Variants in DAP observed in about 807,000 individuals in gnomAD.
DAP encodes death-associated protein 1.
In DAP, 8 loss-of-function variants were observed where a neutral mutation model predicts 13.8. The ratio of observed to expected loss-of-function variants is 0.58; its 90% CI spans 0.34 to 1.05. The LOEUF (loss-of-function observed/expected upper bound fraction) is 1.05, where lower values mean the gene tolerates loss of function less well. Ranked by LOEUF, DAP falls within the 50% of genes least tolerant of loss-of-function variation. DAP has a pLI of 0.03. For synonymous variants in DAP, 47 were observed against 47.5 expected, an observed-to-expected ratio of 0.99 and a Z score of 0.04; for missense variants, 106 against 133.2, an observed-to-expected ratio of 0.80 and a Z score of 1.01.
intron 1 of DAP, among the ~76,000 whole-genome samples, chr5:10,752,788 T>A (rs1362012695): frequency 6.6e-6 from 1 of 152,078 alleles, no homozygotes; most frequent in African/African-American, 2.4e-5. Flanking sequence ...GTGAAAATGT[T>A]CCCCTCTCCC....
At chr5:10,723,220 A>G (rs548972863) in intron 2 of DAP, among the ~76,000 whole-genome samples, 33 of 152,378 alleles carry the variant, frequency 2.2e-4, no homozygotes, top group Non-Finnish European at 4.1e-4. Context: ...TCACACTGAT[A>G]GAAAAGGGAA....
intron 2 of DAP, among the ~76,000 whole-genome samples, chr5:10,690,236 G>A (rs1017738244): frequency 6.6e-6 from 1 of 152,190 alleles, no homozygotes; most frequent in African/African-American, 2.4e-5. Flanking sequence ...TCTGCTCAAG[G>A]CAAACGTTCT....
chr5:10,719,000 T>TA (rs1739065850), intron 2 of DAP, among the ~76,000 whole-genome samples: 1 of 152,242 alleles, frequency 6.6e-6, no homozygotes, highest in Non-Finnish European at 1.5e-5. Context: ...ATATTGGACT[T>TA]ACTGGTGAAA....
chr5:10,747,151 A>G (rs1739926813), intron 2 of DAP, among the ~76,000 whole-genome samples: 1 of 152,156 alleles, frequency 6.6e-6, no homozygotes. Context: ...TTCCCCTTCC[A>G]CACCCTCTCC....
chr5:10,712,990 C>G (rs980964089), intron 2 of DAP, among the ~76,000 whole-genome samples: 6 of 152,180 alleles, frequency 3.9e-5, no homozygotes, highest in Admixed American at 6.5e-5. Flanking sequence ...GGCCTCCATA[C>G]GACACATGTA....
At chr5:10,738,891 T>C (rs747389061) in intron 2 of DAP, among the ~76,000 whole-genome samples, 3 of 152,074 alleles carry the variant, frequency 2.0e-5, no homozygotes, top group South Asian at 2.1e-4. Context: ...GATTTAGATA[T>C]ATGTGAGCGT....
chr5:10,741,449 G>A (rs1739752426), intron 2 of DAP, among the ~76,000 whole-genome samples: 1 of 152,178 alleles, frequency 6.6e-6, no homozygotes, highest in African/African-American at 2.4e-5. Flanking sequence ...TTTTCTTGGA[G>A]GGCCAGGAGA....
chr5:10,756,356 A>G lies in DAP; in HGVS notation c.55+4658T>C, dbSNP rs527297283. Reference sequence around the variant, plus strand: ...TCTGTGACCACAGGGTTAATAGAAGACAAATTAGTCTTCTGTTTCTAGCAA... The same window carrying G: ...TCTGTGACCACAGGGTTAATAGAAGGCAAATTAGTCTTCTGTTTCTAGCAA... On this transcript the variant is annotated intron_variant, in intron 1 of 3. Coordinates refer to ENST00000230895, the MANE Select transcript of DAP (RefSeq NM_004394.3). 1.3e-4 allele frequency among the ~76,000 whole-genome samples: 20 copies of G among 151,374 alleles called. 4 individuals are homozygous for G. The South Asian group carries it at 3.3e-3, about 25-fold the overall frequency.
chr5:10,708,595 C>T (rs553197621), intron 2 of DAP, among the ~76,000 whole-genome samples: 18 of 152,112 alleles, frequency 1.2e-4, no homozygotes, highest in Non-Finnish European at 2.4e-4. Context: ...GACCCACCAA[C>T]GGGCTATAGC....
At chr5:10,698,478 G>A (rs1162548523) in intron 2 of DAP, among the ~76,000 whole-genome samples, 1 of 152,064 alleles carries the variant, frequency 6.6e-6, no homozygotes, top group Non-Finnish European at 1.5e-5. Context: ...CAGCAGGGCA[G>A]GCTGTGGTAT....
chr5:10,687,387 C>T (rs1738182098), intron 2 of DAP, among the ~76,000 whole-genome samples: 3 of 152,156 alleles, frequency 2.0e-5, no homozygotes, highest in Non-Finnish European at 4.4e-5. Context: ...GAATTTACTA[C>T]TATAGATGCC....
At chr5:10,716,067 A>G (rs1005204590) in intron 2 of DAP, among the ~76,000 whole-genome samples, 1 of 152,116 alleles carries the variant, frequency 6.6e-6, no homozygotes, top group Non-Finnish European at 1.5e-5. Context: ...TGCTCCCTTT[A>G]GCTGATAGCT....
At chr5:10,750,359 T>G (rs186182871) in intron 1 of DAP, among the ~76,000 whole-genome samples, 1 of 152,084 alleles carries the variant, frequency 6.6e-6, no homozygotes, top group African/African-American at 2.4e-5. Flanking sequence ...ATGGTGACGT[T>G]TGCTCCCAGG....
At chr5:10,755,223 A>C (rs1740151924) in intron 1 of DAP, among the ~76,000 whole-genome samples, 2 of 152,136 alleles carry the variant, frequency 1.3e-5, no homozygotes. Flanking sequence ...TTGTGGAGGA[A>C]GGCGCCACGA....
intron 2 of DAP, among the ~76,000 whole-genome samples, chr5:10,723,716 G>C (rs1212593478): frequency 6.6e-6 from 1 of 152,198 alleles, no homozygotes; most frequent in Non-Finnish European, 1.5e-5. Flanking sequence ...AGATACTAAA[G>C]CAAAAGAATG....
rs1236696943 is a variant in DAP at position 10,761,215 on chromosome 5, G to A, written c.-147C>T. On this transcript the variant is annotated 5_prime_UTR_variant, in exon 1 of 4. Coordinates refer to ENST00000230895, the MANE Select transcript of DAP (RefSeq NM_004394.3). ...GTGGGGCGCCGGGGCCGCGCGAGCC[G>A]GGTGAGTGCCACTGCCGTTAAGGGG... The A allele has an allele frequency of 1.8e-5, 5 of 271,544 alleles. No homozygotes were observed. Among genetic ancestry groups the A allele is most frequent in the Non-Finnish European group, 3.2e-5 (5 of 156,490 alleles). The allele number at this position is 271,544 out of a possible 1,614,324, so 16.8% of individuals were successfully genotyped here. A position where few individuals can be genotyped will look rare whatever the true frequency, so the allele number is the denominator to read the frequency against.
intron 2 of DAP, among the ~76,000 whole-genome samples, chr5:10,724,613 T>C (rs894580070): frequency 6.6e-6 from 1 of 152,216 alleles, no homozygotes; most frequent in Non-Finnish European, 1.5e-5. Flanking sequence ...CTGGCTCTTG[T>C]GGACTATGTG....
At chr5:10,705,060 C>A (rs1243669531) in intron 2 of DAP, among the ~76,000 whole-genome samples, 1 of 152,178 alleles carries the variant, frequency 6.6e-6, no homozygotes, top group Admixed American at 6.5e-5. Flanking sequence ...ATTCTGGAAA[C>A]ACTACTTCCT....
intron 2 of DAP, among the ~76,000 whole-genome samples, chr5:10,694,318 TTA>T (rs933949521): frequency 6.6e-6 from 1 of 152,032 alleles, no homozygotes; most frequent in Admixed American, 6.5e-5. Flanking sequence ...TTTCTGAGGC[TTA>T]GTTTCCTTGT....
Sources: allele counts gnomAD v4.1 joint callset (sites outside exome capture counted in the v4.1 genomes callset), GRCh38; gene constraint gnomAD v4.1.1; transcripts MANE v1.5; gene names NCBI Gene and HGNC (gene_info 2026-07-23, HGNC 2026-07-21).